RHOT2: variants seen among roughly 807,000 people sequenced by gnomAD.
The protein encoded by RHOT2 is ras homolog family member T2.
RHOT2 carries 90 observed loss-of-function variants against 81.6 expected under a neutral mutation model. The observed-to-expected ratio is 1.10, with a 90% confidence interval of 0.93 to 1.31. The LOEUF (loss-of-function observed/expected upper bound fraction) is 1.31. Among genes scored for constraint, RHOT2 ranks in the 40% most tolerant of loss-of-function variants. The pLI is 0.00. For missense variants in RHOT2, 1,014 were observed against 841.9 expected, an observed-to-expected ratio of 1.20 and a Z score of -2.53; for synonymous variants, 512 against 370.9, an observed-to-expected ratio of 1.38 and a Z score of -4.37.
At chr16:673,162 A>G in intron 18 of RHOT2, 32 bp downstream of exon 18, 1 of 1,599,432 alleles carries the variant, frequency 6.3e-7, no homozygotes, top group Non-Finnish European at 8.5e-7. Flanking sequence ...CCTGGGGACT[A>G]GCAGTGTCTG....
chr16:670,632 T>C, intron 8 of RHOT2, 43 bp from the exon 9 acceptor site: 1 of 1,603,272 alleles, frequency 6.2e-7, no homozygotes, highest in South Asian at 1.1e-5. Context: ...GTGTGGCAGG[T>C]CGGCGTGGGT....
chr16:668,404 C>T lies in RHOT2; in HGVS notation c.89C>T (p.Pro30Leu). 6.7e-7 allele frequency: 1 copy of T among 1,491,260 alleles called. No individual in the cohort carries two copies. The highest frequency in any genetic ancestry group is 8.9e-7 in the Non-Finnish European group (1 of 1,126,822). 92.4% of individuals were successfully genotyped at this position (1,491,260 alleles called of 1,614,324 possible). A position where few individuals can be genotyped will look rare whatever the true frequency, so the allele number is the denominator to read the frequency against. The change falls in exon 2 of 19, where the codon CCC becomes CTC. Residue 30 changes from proline (P) to leucine (L), a missense_variant. By Grantham distance (98) the Pro-to-Leu change is moderately conservative. Transcript: ENST00000315082. Reference protein sequence around the residue: ...LILSLVGEEFPEEVPPRAEEI... With the variant: ...LILSLVGEEFLEEVPPRAEEI... Reference sequence around the variant, plus strand: ...CTGTCCCTGGTGGGCGAGGAGTTCCCCGAGGAGGTAAGGGGCACGCCCGCC... The same window carrying T: ...CTGTCCCTGGTGGGCGAGGAGTTCCTCGAGGAGGTAAGGGGCACGCCCGCC...
chr16:670,931 G>T lies in RHOT2; in HGVS notation c.679G>T (p.Glu227Ter). The T allele has an allele frequency of 6.4e-7, 1 of 1,569,926 alleles. No homozygotes were observed. Among genetic ancestry groups the T allele is most frequent in the East Asian group, 2.3e-5 (1 of 44,356 alleles). ...FGHPLAPQAL[E>*]DVKTVVCRNV... The stretch of plus-strand genomic sequence containing the variant: ...GCACCCCCTGGCCCCGCAGGCCCTG[G>T]AGGACGTGAAGACGGTGGTGTGCAG... The change falls in exon 10 of 19, where the codon GAG becomes TAG. Residue 227 changes from glutamate (E) to a stop codon, truncating the protein, a stop_gained. Coordinates refer to ENST00000315082, the MANE Select transcript of RHOT2 (RefSeq NM_138769.3). LOFTEE classifies it high-confidence loss of function.
rs1017315421 is a variant in RHOT2, at chr16:669,867, C to T, written c.277-256C>T. Reference sequence around the variant, plus strand: ...TTCCAAACCCCCGGGGGGGGACCCGCAGAGGGCCTGCGTTGGGGGCGGCCC... The same window carrying T: ...TTCCAAACCCCCGGGGGGGGACCCGTAGAGGGCCTGCGTTGGGGGCGGCCC... On this transcript the variant is annotated intron_variant, in intron 5 of 18. Transcript: ENST00000315082. 5 of 614,244 alleles carry T rather than the reference C, an allele frequency of 8.1e-6. No individual in the cohort carries two copies. The Admixed American group carries it at 1.5e-4, about 18-fold the overall frequency. 38.0% of individuals were successfully genotyped at this position (614,244 alleles called of 1,614,324 possible). A position where few individuals can be genotyped will look rare whatever the true frequency, so the allele number is the denominator to read the frequency against.
At position 670,184 on chromosome 16, in the gene RHOT2, G is replaced by C; in HGVS notation, c.329+9G>C. 2 of 1,607,896 alleles carry C rather than the reference G, an allele frequency of 1.2e-6. No individual in the cohort carries two copies. The highest frequency in any genetic ancestry group is 4.5e-5 in the East Asian group (2 of 44,780). Reference sequence around the variant, plus strand: ...ACCACGCAGGGGCCCAGGTAATGAGGGGATGTGGAAGGGGCTGGGACCCCT... The same window carrying C: ...ACCACGCAGGGGCCCAGGTAATGAGCGGATGTGGAAGGGGCTGGGACCCCT... On this transcript the variant is annotated intron_variant, in intron 6 of 18. Coordinates refer to ENST00000315082, the MANE Select transcript of RHOT2 (RefSeq NM_138769.3).
chr16:668,153 A>T lies in RHOT2; in HGVS notation c.-47A>T. The T allele has an allele frequency of 4.6e-6, 2 of 436,246 alleles. No homozygotes were observed. Among genetic ancestry groups the T allele is most frequent in the Non-Finnish European group, 8.0e-6 (2 of 249,292 alleles). The allele number at this position is 436,246 out of a possible 1,614,324, so 27.0% of individuals were successfully genotyped here. A position where few individuals can be genotyped will look rare whatever the true frequency, so the allele number is the denominator to read the frequency against. ...GGGCAGAGCGAAAGGCTTGAGGACC[A>T]GGTCGGGGCCGGGTTCCGGGTCGGG... is the stretch of plus-strand genomic sequence containing the variant. On this transcript the variant is annotated 5_prime_UTR_variant, in exon 1 of 19. Transcript: ENST00000315082.
Position 672,091 on chromosome 16 carries a change from A to T in RHOT2, c.1105A>T (p.Thr369Ser). The T allele has an allele frequency of 6.2e-7, 1 of 1,608,854 alleles. No homozygotes were observed. The highest frequency in any genetic ancestry group is 8.5e-7 in the Non-Finnish European group (1 of 1,178,586). The stretch of plus-strand genomic sequence containing the variant: ...CCTCCCGCCCACCCCCAGCCTGGTG[A>T]CCTACCTGGACGTCCGGAGCTGCCT... ...HGYLCQWTLV[T>S]YLDVRSCLGH... The change falls in exon 14 of 19, where the codon ACC becomes TCC. Residue 369 changes from threonine to serine, a missense_variant. Physicochemically the swap from Thr to Ser is moderately conservative, Grantham distance 58 (BLOSUM62 1). Coordinates refer to ENST00000315082, the MANE Select transcript of RHOT2 (RefSeq NM_138769.3).
At position 671,703 on chromosome 16, in the gene RHOT2, C is replaced by T. The variant is rs780686743; in HGVS notation, c.876C>T (p.His292=). 11 of 1,611,932 alleles carry T rather than the reference C, an allele frequency of 6.8e-6. No homozygotes were observed. The highest frequency in any genetic ancestry group is 5.5e-5 in the South Asian group (5 of 91,044). The change falls in exon 12 of 19, where the codon CAC becomes CAT. Residue 292 remains histidine, a synonymous_variant. Coordinates refer to ENST00000315082, the MANE Select transcript of RHOT2 (RefSeq NM_138769.3). ...LTADYLSPLI[H]VPPGCSTELN... The stretch of plus-strand genomic sequence containing the variant: ...GGCTGTGGCCTCCCTGCAGGATCCA[C>T]GTGCCCCCCGGCTGCAGCACGGAGC...
At position 670,478 on chromosome 16, in the gene RHOT2, AC is replaced by A. The variant is rs759460494; in HGVS notation, c.462del (p.Asn154LysfsTer28). 1.5e-5 allele frequency: 24 copies of A among 1,607,258 alleles called. No individual in the cohort carries two copies. The highest frequency in any genetic ancestry group is 2.0e-5 in the Non-Finnish European group (23 of 1,176,960). Reference sequence around the variant, plus strand: ...CAGTGTTCGGCCAAGAACCTGAGGAACATCTCAGAGCTGTTCTACTACGCCC... The same window carrying A: ...CAGTGTTCGGCCAAGAACCTGAGGAAATCTCAGAGCTGTTCTACTACGCCC... ...CVECSAKNLR[N>X]ISELFYYAQK... On this transcript the variant is annotated frameshift_variant, in exon 8 of 19. Coordinates refer to ENST00000315082, the MANE Select transcript of RHOT2 (RefSeq NM_138769.3). LOFTEE classifies it high-confidence loss of function.
rs888694043 is a variant in RHOT2, at chr16:671,635, A to C, written c.870-62A>C. On this transcript the variant is annotated intron_variant, in intron 11 of 18. Transcript: ENST00000315082. Reference sequence around the variant, plus strand: ...ACCGATGGGGCTGGCAGGGTGACAGATGGGCTGAGCGTGGTGCTGCAGAGT... The same window carrying C: ...ACCGATGGGGCTGGCAGGGTGACAGCTGGGCTGAGCGTGGTGCTGCAGAGT... 1.0e-5 allele frequency: 16 copies of C among 1,544,896 alleles called. No individual in the cohort carries two copies. In the African/African-American group the frequency reaches 2.0e-4, roughly 20 times the overall value.
At position 672,528 on chromosome 16, in the gene RHOT2, G is replaced by T. The variant is rs766528689; in HGVS notation, c.1366G>T (p.Asp456Tyr). ...TREQPPGYAI[D>Y]TVQVNGQEKY... ...GGAGCAGCCTCCCGGCTACGCCATC[G>T]ACACGGTGCAGGTCAATGGACAGGA... The change falls in exon 16 of 19, where the codon GAC becomes TAC. Residue 456 changes from aspartate to tyrosine, a missense_variant. Physicochemically the swap from Asp to Tyr is radical, Grantham distance 160. Transcript: ENST00000315082. The T allele has an allele frequency of 3.1e-6, 5 of 1,612,608 alleles. No individual in the cohort carries two copies. Among genetic ancestry groups the T allele is most frequent in the African/African-American group, 1.3e-5 (1 of 75,056 alleles).
At position 671,096 on chromosome 16, in the gene RHOT2, G is replaced by C. The variant is rs1358587179; in HGVS notation, c.762G>C (p.Leu254=). The change falls in exon 11 of 19, where the codon CTG becomes CTC. Residue 254 remains leucine, a synonymous_variant. Transcript: ENST00000315082. ...DRLTLDGFLF[L]NTLFIQRGRH... ...GTCTCGGTGCAGGTTTCCTCTTCCTGAACACGCTCTTCATCCAGCGCGGCC... is the reference window on the plus strand; with the variant it reads ...GTCTCGGTGCAGGTTTCCTCTTCCTCAACACGCTCTTCATCCAGCGCGGCC... The C allele has an allele frequency of 6.2e-7, 1 of 1,609,170 alleles. No homozygotes were observed. Among genetic ancestry groups the C allele is most frequent in the Non-Finnish European group, 8.5e-7 (1 of 1,179,706 alleles).
At position 673,123 on chromosome 16, in the gene RHOT2, G is replaced by T; in HGVS notation, c.1723G>T (p.Ala575Ser). 6.2e-7 allele frequency: 1 copy of T among 1,610,516 alleles called. No individual in the cohort carries two copies. The highest frequency in any genetic ancestry group is 8.5e-7 in the Non-Finnish European group (1 of 1,179,764). Residue 575 changes from alanine to serine, a missense_variant, in exon 18 of 19, where the codon GCC becomes TCC. Physicochemically the swap from Ala to Ser is moderately conservative, Grantham distance 99. Transcript: ENST00000315082. ...TIFTQLATMA[A>S]FPHLVHAELH... is the part of the protein sequence containing the mutation. Reference sequence around the variant, plus strand: ...CTTCACCCAGCTCGCCACCATGGCCGCCTTCCCGTGGGTACCCAGTAGCGC... The same window carrying T: ...CTTCACCCAGCTCGCCACCATGGCCTCCTTCCCGTGGGTACCCAGTAGCGC...
Position 673,723 on chromosome 16 carries a change from C to T in RHOT2, c.*117C>T, listed in dbSNP as rs765187689. 92 of 1,333,446 alleles carry T rather than the reference C, an allele frequency of 6.9e-5. No individual in the cohort carries two copies. The Middle Eastern group carries it at 1.1e-3, about 15-fold the overall frequency. The allele number at this position is 1,333,446 out of a possible 1,614,324, so 82.6% of individuals were successfully genotyped here. On this transcript the variant is annotated 3_prime_UTR_variant, in exon 19 of 19. Transcript: ENST00000315082. ...TGCCACTCCGGGAACGCCTTTGCGC[C>T]GGGACTTTTTGTTTCTGAAGGCAGT...
Position 671,170 on chromosome 16 carries a change from C to A in RHOT2, c.836C>A (p.Ala279Asp). Residue 279 changes from alanine to aspartate, a missense_variant, in exon 11 of 19, where the codon GCC (alanine) becomes GAC (aspartate). Coordinates refer to ENST00000315082, the MANE Select transcript of RHOT2 (RefSeq NM_138769.3). ...CTGCGGCGCTTCGGCTACAGCGATG[C>A]CCTGGAGCTGACTGCGGACTATCTC... is the stretch of plus-strand genomic sequence containing the variant. The part of the protein sequence containing the change: ...TILRRFGYSD[A>D]LELTADYLSP... The A allele has an allele frequency of 1.3e-6, 2 of 1,581,552 alleles. No homozygotes were observed. The highest frequency in any genetic ancestry group is 1.7e-6 in the Non-Finnish European group (2 of 1,163,058).
chr16:669,971 T>C (rs1466907050), intron 5 of RHOT2, 152 bp from the exon 6 acceptor site: 2 of 688,392 alleles, frequency 2.9e-6, no homozygotes, highest in Non-Finnish European at 4.8e-6. Context: ...GCTGCCTGCC[T>C]TCTCCCACCA....
Position 672,358 on chromosome 16 carries a change from C to T in RHOT2, c.1300C>T (p.Gln434Ter). ...TGGAGTGGGCAAGTCTGCCTTCCTGCAGGCCTTTCTCGGCCGCGGCCTGGG... is the reference window on the plus strand; with the variant it reads ...TGGAGTGGGCAAGTCTGCCTTCCTGTAGGCCTTTCTCGGCCGCGGCCTGGG... ...ARGVGKSAFL[Q>*]AFLGRGLGHQ... Residue 434 changes from glutamine to a stop codon, truncating the protein, a stop_gained, in exon 15 of 19, where the codon CAG becomes TAG. Coordinates refer to ENST00000315082, the MANE Select transcript of RHOT2 (RefSeq NM_138769.3). LOFTEE classifies it high-confidence loss of function. 1 of 1,611,398 alleles carries T rather than the reference C, an allele frequency of 6.2e-7. No homozygotes were observed. Among genetic ancestry groups the T allele is most frequent in the Non-Finnish European group, 8.5e-7 (1 of 1,179,134 alleles).
Position 670,531 on chromosome 16 carries a change from C to T in RHOT2, c.514C>T (p.Pro172Ser), listed in dbSNP as rs1242369826. 1.2e-6 allele frequency: 2 copies of T among 1,607,972 alleles called. No individual in the cohort carries two copies. Among genetic ancestry groups the T allele is most frequent in the Non-Finnish European group, 8.5e-7 (1 of 1,177,488 alleles). Residue 172 changes from proline to serine, a missense_variant, in exon 8 of 19, where the codon CCC (proline) becomes TCC (serine). Physicochemically the swap from Pro to Ser is moderately conservative, Grantham distance 74. Transcript: ENST00000315082. ...GAAGGCCGTCCTGCATCCCACAGCC[C>T]CCCTCTATGACCCTGAGGCCAAGCA... is the stretch of plus-strand genomic sequence containing the variant. ...AQKAVLHPTA[P>S]LYDPEAKQLR...
At position 674,067 on chromosome 16, in the gene RHOT2, G is replaced by C. The variant is rs768668596; in HGVS notation, c.*461G>C. 1.6e-5 allele frequency: 4 copies of C among 245,572 alleles called. No individual in the cohort carries two copies. Among genetic ancestry groups the C allele is most frequent in the Non-Finnish European group, 3.4e-5 (4 of 119,352 alleles). 15.2% of individuals were successfully genotyped at this position (245,572 alleles called of 1,614,324 possible). ...CCCCCTCAAGTTTGGAGCCGTTTCC[G>C]TGGTTGTAGCAGAGGACCGGAGGTT... On this transcript the variant is annotated 3_prime_UTR_variant, in exon 19 of 19. Coordinates refer to ENST00000315082, the MANE Select transcript of RHOT2 (RefSeq NM_138769.3).
Sources: allele counts gnomAD v4.1 joint callset, GRCh38; gene constraint gnomAD v4.1.1; transcripts MANE v1.5; gene names NCBI Gene and HGNC (gene_info 2026-07-23, HGNC 2026-07-21).